TOP3B: variants seen among roughly 807,000 people sequenced by gnomAD.
TOP3B encodes the protein DNA topoisomerase 3-beta-1.
TOP3B carries 45 observed loss-of-function variants against 93.9 expected under a neutral mutation model. The observed-to-expected ratio is 0.48, with a 90% CI of 0.38 to 0.61. The LOEUF (loss-of-function observed/expected upper bound fraction) is 0.61. Ranked by LOEUF, TOP3B falls within the 20% of genes least tolerant of loss-of-function variation. TOP3B has a pLI of 0.00. For missense variants in TOP3B, 750 were observed against 1,156.1 expected, an observed-to-expected ratio of 0.65 and a Z score of 5.09; for synonymous variants, 357 against 472.6, an observed-to-expected ratio of 0.76 and a Z score of 3.17.
At position 21,959,377 on chromosome 22, in the gene TOP3B, T is replaced by C. The variant is rs73388154; in HGVS notation, c.1805-145A>G. 4.0e-3 allele frequency: 5,945 copies of C among 1,488,162 alleles called. 147 individuals are homozygous for C. The African/African-American group carries it at 0.062, about 16-fold the overall frequency. The allele number at this position is 1,488,162 out of a possible 1,614,324, so 92.2% of individuals were successfully genotyped here. On this transcript the variant is annotated intron_variant, in intron 15 of 17. Transcript: ENST00000357179. The stretch of plus-strand genomic sequence containing the variant: ...TGGCAGCACGGCAGGGCAGCAGCCC[T>C]GTGCGTCAGAGGCACGTGTTCCTGG...
chr22:21,972,501 AG>A, intron 4 of TOP3B, 110 bp downstream of exon 4: 1 of 792,582 alleles, frequency 1.3e-6, no homozygotes. Context: ...AAGCTAGCAA[AG>A]GCCCCCCTGT....
Position 21,963,335 on chromosome 22 carries a change from TCAAA to T in TOP3B, c.1205-446_1205-443del, listed in dbSNP as rs2071276524. 1 of 122,848 alleles carries T rather than the reference TCAAA, an allele frequency of 8.1e-6. No homozygotes were observed. The highest frequency in any genetic ancestry group is 4.0e-5 in the African/African-American group (1 of 24,828). The allele number at this position is 122,848 out of a possible 1,614,324, so 7.6% of individuals were successfully genotyped here. On this transcript the variant is annotated intron_variant, in intron 11 of 17. Transcript: ENST00000357179. The surrounding 1 kb of genome is among the most constrained non-coding windows in gnomAD (Gnocchi z 4.8). ...CTGGGTGACAGAACAAGACTCTGTC[TCAAA>T]AAAAGAAAAAAAAAAAGCAAATGCG...
In TOP3B at chr22:21,960,322, A is replaced by C; in HGVS notation, c.1653T>G (p.Ile551Met). The C allele has an allele frequency of 6.2e-7, 1 of 1,613,316 alleles. No homozygotes were observed. Among genetic ancestry groups the C allele is most frequent in the Non-Finnish European group, 8.5e-7 (1 of 1,179,894 alleles). Residue 551 changes from isoleucine to methionine, a missense_variant and splice_region_variant, in exon 14 of 18, where the codon ATT becomes ATG. By Grantham distance (10) the Ile-to-Met change is conservative. Around this residue, in one of 4 missense-constraint regions of TOP3B, gnomAD observed 737 missense variants for 933.7 expected, o/e 0.79. Coordinates refer to ENST00000357179, the MANE Select transcript of TOP3B (RefSeq NM_001282112.2). ...GIVLVHGYYK[I>M]DAELVLPTIR... ...TGGGGGCAGGACTGAGGAACTCACCAATCTTATAGTAGCCGTGCACCAGGA... is the reference window on the plus strand; with the variant it reads ...TGGGGGCAGGACTGAGGAACTCACCCATCTTATAGTAGCCGTGCACCAGGA...
At chr22:21,962,384 TACTGGAGACGGAGC>T (rs748790509) in intron 13 of TOP3B, 31 bp downstream of exon 13, 1 of 1,610,660 alleles carries the variant, frequency 6.2e-7, no homozygotes, top group Non-Finnish European at 8.5e-7. Flanking sequence ...GAAGCCTGAG[TACTGGAGACGGAGC>T]CGGCTCTGGG....
Position 21,978,244 on chromosome 22 carries a change from G to C in TOP3B, c.-98-2437C>G, listed in dbSNP as rs188645287. 6.6e-5 allele frequency among the ~76,000 whole-genome samples: 10 copies of C among 152,156 alleles called. No individual in the cohort carries two copies. The East Asian group carries it at 1.9e-3, about 29-fold the overall frequency. On this transcript the variant is annotated intron_variant, in intron 1 of 17. Transcript: ENST00000357179. ...AGACCTGGGATGGCGGGACATGGGA[G>C]GGGGAGGGGAAGGTGAGTCAAGAAT... is the stretch of plus-strand genomic sequence containing the variant.
In TOP3B at chr22:21,958,557, C is replaced by T. The variant is rs2071027266; in HGVS notation, c.2042G>A (p.Arg681Gln). 17 of 1,613,974 alleles carry T rather than the reference C, an allele frequency of 1.1e-5. No individual in the cohort carries two copies. Among genetic ancestry groups the T allele is most frequent in the African/African-American group, 6.7e-5 (5 of 74,924 alleles). ...GGGGCACAGCGGGTAGCTCTTGCCCCGAGAGCCTGATGACCACAGGACCAG... is the reference window on the plus strand; with the variant it reads ...GGGGCACAGCGGGTAGCTCTTGCCCTGAGAGCCTGATGACCACAGGACCAG... ...FELVLWSSGS[R>Q]GKSYPLCPYC... Residue 681 changes from arginine to glutamine, a missense_variant, in exon 17 of 18, where the codon CGG becomes CAG. By Grantham distance (43) the Arg-to-Gln change is conservative. This residue lies in a region of TOP3B where 737 missense variants were observed against 933.7 expected (regional missense o/e 0.79). Transcript: ENST00000357179.
intron 12 of TOP3B, 31 bp downstream of exon 12, chr22:21,962,716 C>A (rs776350823): frequency 6.2e-7 from 1 of 1,613,272 alleles, no homozygotes; most frequent in Admixed American, 1.7e-5. Flanking sequence ...CATGAAGGCA[C>A]AGAGGAGGAA....
Position 21,959,733 on chromosome 22 carries a change from G to A in TOP3B, c.1658C>T (p.Ala553Val). Residue 553 changes from alanine (A) to valine (V), a missense_variant, in exon 15 of 18, where the codon GCA (alanine) becomes GTA (valine). Physicochemically the swap from Ala to Val is moderately conservative, Grantham distance 64 (BLOSUM62 0). Around this residue, in one of 4 missense-constraint regions of TOP3B, gnomAD observed 737 missense variants for 933.7 expected, o/e 0.79. Coordinates refer to ENST00000357179, the MANE Select transcript of TOP3B (RefSeq NM_001282112.2). ...VLVHGYYKID[A>V]ELVLPTIRSA... The stretch of plus-strand genomic sequence containing the variant: ...GCGGATGGTGGGGAGCACCAGCTCT[G>A]CATCTGCAAGTGGGCAGGGGGCAGA... The A allele has an allele frequency of 6.2e-7, 1 of 1,612,442 alleles. No individual in the cohort carries two copies. The highest frequency in any genetic ancestry group is 8.5e-7 in the Non-Finnish European group (1 of 1,179,554).
Position 21,965,372 on chromosome 22 carries a change from C to A in TOP3B, c.856G>T (p.Glu286Ter). 6.2e-7 allele frequency: 1 copy of A among 1,600,900 alleles called. No individual in the cohort carries two copies. Among genetic ancestry groups the A allele is most frequent in the African/African-American group, 1.3e-5 (1 of 74,518 alleles). ...MTKLEKEAQV[E>*]ATSRKEKAKQ... ...GCCTTTTCTTTCCTGCTTGTGGCCT[C>A]CACCTGGAAGACAGGACAGTCAATG... The change falls in exon 9 of 18, where the codon GAG becomes TAG. Residue 286 changes from glutamate to a stop codon, truncating the protein, a stop_gained. Transcript: ENST00000357179. LOFTEE classifies it high-confidence loss of function.
At chr22:21,980,500 C>G (rs943331553) in intron 1 of TOP3B, among the ~76,000 whole-genome samples, 2 of 152,170 alleles carry the variant, frequency 1.3e-5, no homozygotes, top group Non-Finnish European at 2.9e-5. Flanking sequence ...GATCACAGGA[C>G]TACAGTGAAA....
intron 14 of TOP3B, chr22:21,960,035 TCC>T (rs1455387422): frequency 4.9e-6 from 3 of 613,588 alleles, no homozygotes; most frequent in Non-Finnish European, 8.4e-6. Context: ...CTCCTCCCTC[TCC>T]CCTTGGCCCC....
Position 21,963,413 on chromosome 22 carries a change from C to T in TOP3B, c.1204+510G>A, listed in dbSNP as rs374579914. On this transcript the variant is annotated intron_variant, in intron 11 of 17. Coordinates refer to ENST00000357179, the MANE Select transcript of TOP3B (RefSeq NM_001282112.2). This position sits in a 1 kb window ranked among gnomAD's most constrained non-coding sequence, Gnocchi z 4.8. ...TGCCTCAGTGGTTTCTTTCTGGCTG[C>T]GGCTCCCACCATCCTGCACAACCTC... 299 of 168,584 alleles carry T rather than the reference C, an allele frequency of 1.8e-3. 2 individuals carry two copies. Among genetic ancestry groups the T allele is most frequent in the Middle Eastern group, 6.1e-3 (2 of 326 alleles). 10.4% of individuals were successfully genotyped at this position (168,584 alleles called of 1,614,324 possible). A position where few individuals can be genotyped will look rare whatever the true frequency, so the allele number is the denominator to read the frequency against.
intron 13 of TOP3B, chr22:21,961,214 G>A (rs1399075474): frequency 2.6e-5 from 4 of 152,326 alleles, no homozygotes; most frequent in Admixed American, 6.5e-5. Flanking sequence ...CTCTTGGCAC[G>A]AGGCCAGCTC....
Position 21,971,738 on chromosome 22 carries a change from G to C in TOP3B, c.384+139C>G, listed in dbSNP as rs1569154064. Reference sequence around the variant, plus strand: ...GTATCTGTGGAGTTTCAGAATAAAGGGAGGGGAGAGGTGTTTTTAAACCGG... The same window carrying C: ...GTATCTGTGGAGTTTCAGAATAAAGCGAGGGGAGAGGTGTTTTTAAACCGG... On this transcript the variant is annotated intron_variant, in intron 5 of 17. Coordinates refer to ENST00000357179, the MANE Select transcript of TOP3B (RefSeq NM_001282112.2). This position sits in a 1 kb window ranked among gnomAD's most constrained non-coding sequence, Gnocchi z 4.6. 1.3e-6 allele frequency: 1 copy of C among 748,168 alleles called. No individual in the cohort carries two copies. The highest frequency in any genetic ancestry group is 2.4e-6 in the Non-Finnish European group (1 of 417,292). 46.3% of individuals were successfully genotyped at this position (748,168 alleles called of 1,614,324 possible). A position where few individuals can be genotyped will look rare whatever the true frequency, so the allele number is the denominator to read the frequency against.
In TOP3B at chr22:21,959,025, TC is replaced by T. The variant is rs754014036; in HGVS notation, c.1905+106del. 726 of 1,498,016 alleles carry T rather than the reference TC, an allele frequency of 4.8e-4. 1 individual carries two copies. Among genetic ancestry groups the T allele is most frequent in the Admixed American group, 6.8e-4 (33 of 48,364 alleles). The allele number at this position is 1,498,016 out of a possible 1,614,324, so 92.8% of individuals were successfully genotyped here. A position where few individuals can be genotyped will look rare whatever the true frequency, so the allele number is the denominator to read the frequency against. ...GCAAGGCCTCTTTATGTTCCATCAT[TC>T]TTTTGTGACAACCAGGACAAAGAAC... is the stretch of plus-strand genomic sequence containing the variant. On this transcript the variant is annotated intron_variant, in intron 16 of 17. Coordinates refer to ENST00000357179, the MANE Select transcript of TOP3B (RefSeq NM_001282112.2).
chr22:21,970,772 A>C lies in TOP3B; in HGVS notation c.385-366T>G, dbSNP rs2071605485. The C allele has an allele frequency of 1.0e-5, 3 of 298,574 alleles. No individual in the cohort carries two copies. The highest frequency in any genetic ancestry group is 7.6e-5 in the East Asian group (1 of 13,132). The allele number at this position is 298,574 out of a possible 1,614,324, so 18.5% of individuals were successfully genotyped here. ...GAGGGACCTCTTAGTCCCCAAACCC[A>C]TCCCATGTGACACGATTCCCTGCCT... On this transcript the variant is annotated intron_variant, in intron 5 of 17. Coordinates refer to ENST00000357179, the MANE Select transcript of TOP3B (RefSeq NM_001282112.2). This position sits in a 1 kb window ranked among gnomAD's most constrained non-coding sequence, Gnocchi z 4.4.
chr22:21,980,645 C>T (rs2084610149), intron 1 of TOP3B, among the ~76,000 whole-genome samples: 1 of 152,238 alleles, frequency 6.6e-6, no homozygotes, highest in African/African-American at 2.4e-5. Flanking sequence ...GGAATGACGA[C>T]ACTGTCTGCA....
In TOP3B at chr22:21,970,677, A is replaced by C; in HGVS notation, c.385-271T>G. ...AAACATACTCGAACACTCCCTTCTT[A>C]CTCCCGCCCTCTCTTCTAATCCTCT... On this transcript the variant is annotated intron_variant, in intron 5 of 17. Transcript: ENST00000357179. This position sits in a 1 kb window ranked among gnomAD's most constrained non-coding sequence, Gnocchi z 4.4. The C allele has an allele frequency of 6.2e-6, 3 of 484,246 alleles. No individual in the cohort carries two copies. Among genetic ancestry groups the C allele is most frequent in the South Asian group, 2.5e-5 (1 of 40,336 alleles). 30.0% of individuals were successfully genotyped at this position (484,246 alleles called of 1,614,324 possible).
chr22:21,967,285 A>G, intron 8 of TOP3B: 1 of 304,626 alleles, frequency 3.3e-6, no homozygotes, highest in Non-Finnish European at 6.2e-6. Context: ...CTCTGTGTGA[A>G]ATGGAGTCCT....
Sources: gnomAD v4.1 joint callset for allele counts (sites outside exome capture counted in the v4.1 genomes callset) on GRCh38, gnomAD v4.1.1 for gene constraint, gnomAD v4.1.1 regional missense constraint, Gnocchi (gnomAD v3.1) non-coding constraint, MANE v1.5 for transcripts, NCBI Gene and HGNC (gene_info 2026-07-23, HGNC 2026-07-21) for gene names.